Variants in TPO observed in about 807,000 individuals in gnomAD.
TPO encodes the protein thyroid microsomal antigen.
In TPO, 78 loss-of-function variants were observed where a neutral mutation model predicts 96.9. The observed-to-expected ratio is 0.81, with a 90% confidence interval of 0.67 to 0.97. The LOEUF (loss-of-function observed/expected upper bound fraction) is 0.97. Among genes scored for constraint, TPO ranks in the 50% least tolerant of loss-of-function variants. The pLI, the probability that TPO is intolerant of heterozygous loss-of-function variation, is 0.00. For synonymous variants in TPO, 547 were observed against 538.0 expected (o/e 1.02, Z -0.23); for missense variants, 1,252 against 1,274.8 (o/e 0.98, Z 0.27).
chr2:1,398,257 G>A (rs1662116089), intron 1 of TPO, among the ~76,000 whole-genome samples: 1 of 152,170 alleles, frequency 6.6e-6, no homozygotes, highest in African/African-American at 2.4e-5. Context: ...AGTGATGTGT[G>A]GTGGCCTCCC....
chr2:1,383,001 T>G (rs1291842451), intron 1 of TPO, among the ~76,000 whole-genome samples: 2 of 151,880 alleles, frequency 1.3e-5, no homozygotes, highest in African/African-American at 4.8e-5. Context: ...TTGTGATAGT[T>G]TGCTGAGAAT....
chr2:1,409,787 A>G (rs974336264), upstream of TPO, among the ~76,000 whole-genome samples: 7 of 104,236 alleles, frequency 6.7e-5, no homozygotes, highest in Admixed American at 1.2e-4. Flanking sequence ...TACAAAAAAC[A>G]GTGCGCGCAC....
chr2:1,539,395 C>T (rs1680460338), intron 15 of TPO, among the ~76,000 whole-genome samples: 1 of 151,932 alleles, frequency 6.6e-6, no homozygotes, highest in African/African-American at 2.4e-5. Flanking sequence ...ACCCCAGCCC[C>T]CCTCGGTGAT....
At chr2:1,460,853 T>G (rs1343364673) in intron 7 of TPO, among the ~76,000 whole-genome samples, 2 of 151,586 alleles carry the variant, frequency 1.3e-5, no homozygotes, top group African/African-American at 4.8e-5. Context: ...TGTAGTGGGG[T>G]GGGGGCTCCA....
intron 15 of TPO, among the ~76,000 whole-genome samples, chr2:1,522,941 T>C (rs796120628): frequency 6.6e-3 from 28 of 4,260 alleles, no homozygotes; most frequent in Non-Finnish European, 8.7e-3. Context: ...CCACTCTGTG[T>C]AACCTCCCCA....
At chr2:1,403,936 G>A (rs2148378448) in intron 1 of TPO, among the ~76,000 whole-genome samples, 1 of 152,358 alleles carries the variant, frequency 6.6e-6, no homozygotes, top group Admixed American at 6.5e-5. Context: ...GACAAAGCTT[G>A]GGATGGGGGC....
At chr2:1,439,789 C>G (rs1161485802) in intron 5 of TPO, among the ~76,000 whole-genome samples, 1 of 152,148 alleles carries the variant, frequency 6.6e-6, no homozygotes, top group Non-Finnish European at 1.5e-5. Context: ...CGCCATCCTC[C>G]CCATCTGGGT....
At position 1,436,358 on chromosome 2, in the gene TPO, G is replaced by T. The variant is rs779427252; in HGVS notation, c.456G>T (p.Arg152Ser). 3 of 1,614,138 alleles carry T rather than the reference G, an allele frequency of 1.9e-6. 1 individual carries two copies. The change falls in exon 5 of 17, where the codon AGG (arginine) becomes AGT (serine). Residue 152 changes from arginine (R) to serine (S), a missense_variant. Physicochemically the swap from Arg to Ser is moderately radical, Grantham distance 110. Coordinates refer to ENST00000329066, the MANE Select transcript of TPO (RefSeq NM_001206744.2). ...CPNTCLANKY[R>S]PITGACNNRD... ...ACACTTGCCTGGCGAACAAATACAG[G>T]CCCATCACAGGAGCTTGCAACAACA...
At chr2:1,524,709 CCCACA>C (rs1676033453) in intron 15 of TPO, among the ~76,000 whole-genome samples, 1 of 123,342 alleles carries the variant, frequency 8.1e-6, no homozygotes, top group Non-Finnish European at 1.7e-5. Context: ...GTGCAAACTC[CCCACA>C]TTCCCCCCAG....
intron 5 of TPO, among the ~76,000 whole-genome samples, chr2:1,452,244 G>T (rs1203283890): frequency 6.6e-6 from 1 of 152,158 alleles, no homozygotes; most frequent in Non-Finnish European, 1.5e-5. Flanking sequence ...ACAGATGTTG[G>T]TAATTATTAT....
chr2:1,485,048 C>T (rs998118889), intron 9 of TPO, among the ~76,000 whole-genome samples, 194 bp downstream of exon 9: 3 of 151,556 alleles, frequency 2.0e-5, no homozygotes, highest in South Asian at 2.1e-4. Context: ...CTAATGCTAT[C>T]CCTCCCCCTG....
intron 1 of TPO, chr2:1,374,538 T>C (rs1661687878): frequency 6.6e-6 from 1 of 152,156 alleles, no homozygotes. Flanking sequence ...ATAGAAACCG[T>C]GGTCACTGTG....
chr2:1,406,920 T>G (rs1285869157), intron 1 of TPO, among the ~76,000 whole-genome samples: 1 of 152,238 alleles, frequency 6.6e-6, no homozygotes, highest in Non-Finnish European at 1.5e-5. Context: ...AACATGAGTA[T>G]GTATTTAGTC....
intron 8 of TPO, among the ~76,000 whole-genome samples, chr2:1,482,187 G>A (rs997508317): frequency 6.6e-6 from 1 of 152,210 alleles, no homozygotes; most frequent in Non-Finnish European, 1.5e-5. Flanking sequence ...GTTTCCCACC[G>A]TCGGTGACAA....
At chr2:1,517,004 T>G in intron 15 of TPO, 22 bp downstream of exon 15, 1 of 1,611,496 alleles carries the variant, frequency 6.2e-7, no homozygotes, top group Non-Finnish European at 8.5e-7. Context: ...ACTTTTTGAC[T>G]GTTACTTAGA....
intron 7 of TPO, among the ~76,000 whole-genome samples, chr2:1,460,215 T>C (rs1483980397): frequency 5.9e-5 from 9 of 152,106 alleles, no homozygotes; most frequent in Non-Finnish European, 1.3e-4. Flanking sequence ...GGATTACAGG[T>C]ATGAGCCACT....
At chr2:1,380,347 T>TCG (rs1661790863) in intron 1 of TPO, among the ~76,000 whole-genome samples, 2 of 144,626 alleles carry the variant, frequency 1.4e-5, no homozygotes, top group Non-Finnish European at 3.0e-5. Flanking sequence ...TGAGCCGAGA[T>TCG]CACTTTACTG....
rs767540791 is a variant in TPO, at chr2:1,456,298, C to T, written c.819+16C>T. The T allele has an allele frequency of 9.9e-6, 16 of 1,613,076 alleles. No homozygotes were observed. Among genetic ancestry groups the T allele is most frequent in the East Asian group, 2.2e-5 (1 of 44,882 alleles). On this transcript the variant is annotated intron_variant, in intron 7 of 16. Coordinates refer to ENST00000329066, the MANE Select transcript of TPO (RefSeq NM_001206744.2). The stretch of plus-strand genomic sequence containing the variant: ...TCCCATACAAGTAAGTTTTAGAAAA[C>T]GTTTCTATGTTTGTTATGAAACTAA...
chr2:1,420,304 A>G (rs977581436), intron 2 of TPO, among the ~76,000 whole-genome samples: 1 of 152,196 alleles, frequency 6.6e-6, no homozygotes, highest in Non-Finnish European at 1.5e-5. Context: ...ATGTTTCTTT[A>G]TATTTAATCA....
Sources: allele counts gnomAD v4.1 joint callset (sites outside exome capture counted in the v4.1 genomes callset), GRCh38; gene constraint gnomAD v4.1.1; transcripts MANE v1.5; gene names NCBI Gene and HGNC (gene_info 2026-07-23, HGNC 2026-07-21).